NCLN: variants seen among roughly 807,000 people sequenced by gnomAD.
NCLN encodes the protein nicalin.
NCLN carries 34 observed loss-of-function variants against 69.5 expected under a neutral mutation model. The ratio of observed to expected loss-of-function variants is 0.49; its 90% confidence interval spans 0.37 to 0.65. The LOEUF (loss-of-function observed/expected upper bound fraction) is 0.65, where lower values mean the gene tolerates loss of function less well. Ranked by LOEUF, NCLN falls within the 30% of genes least tolerant of loss-of-function variation. The pLI, the probability that NCLN is intolerant of heterozygous loss-of-function variation, is 0.00. For missense variants in NCLN, 710 were observed against 804.8 expected (o/e 0.88, Z 1.42); for synonymous variants, 393 against 358.3 (o/e 1.10, Z -1.09).
In NCLN at chr19:3,201,563, C is replaced by G. The variant is rs1916127218; in HGVS notation, c.737C>G (p.Ser246Cys). 1.3e-6 allele frequency: 2 copies of G among 1,567,642 alleles called. No individual in the cohort carries two copies. The highest frequency in any genetic ancestry group is 1.8e-5 in the Admixed American group (1 of 55,704). ...LGADSNGSGVSVLLELARLFS... is the reference protein window; with the variant it reads ...LGADSNGSGVCVLLELARLFS... ...GCGGACTCCAACGGGAGCGGCGTCTCTGTGCTGCTGGAGCTGGCACGCCTC... is the reference window on the plus strand; with the variant it reads ...GCGGACTCCAACGGGAGCGGCGTCTGTGTGCTGCTGGAGCTGGCACGCCTC... Residue 246 changes from serine (S) to cysteine (C), a missense_variant, in exon 6 of 15, where the codon TCT becomes TGT. By Grantham distance (112) the Ser-to-Cys change is moderately radical (BLOSUM62 -1). Transcript: ENST00000246117.
rs1568315646 is a variant in NCLN, at chr19:3,205,759, GC to G, written c.1209-175del. 1 of 625,696 alleles carries G rather than the reference GC, an allele frequency of 1.6e-6. No homozygotes were observed. The highest frequency in any genetic ancestry group is 2.0e-5 in the South Asian group (1 of 50,438). The allele number at this position is 625,696 out of a possible 1,614,324, so 38.8% of individuals were successfully genotyped here. A position where few individuals can be genotyped will look rare whatever the true frequency, so the allele number is the denominator to read the frequency against. On this transcript the variant is annotated intron_variant, in intron 9 of 14. Transcript: ENST00000246117. This position sits in a 1 kb window ranked among gnomAD's most constrained non-coding sequence, Gnocchi z 4.6. ...AGGGCAAGGGGCCTGGAGGTGTGGG[GC>G]CCCCAGTGAATCTGCATCTACATGT...
At chr19:3,199,012 G>T (rs1916052057) in intron 5 of NCLN, 115 bp downstream of exon 5, 2 of 682,018 alleles carry the variant, frequency 2.9e-6, no homozygotes, top group South Asian at 6.7e-5. Context: ...GGCTCTCCCT[G>T]TGACGGCCTT....
intron 3 of NCLN, among the ~76,000 whole-genome samples, chr19:3,193,829 T>G (rs1411219419): frequency 6.6e-6 from 1 of 152,206 alleles, no homozygotes; most frequent in Admixed American, 6.5e-5. Flanking sequence ...GCGGTGTCCT[T>G]ACGGAGAAGG....
intron 6 of NCLN, among the ~76,000 whole-genome samples, chr19:3,202,462 CTG>C (rs1916151429): frequency 6.6e-6 from 1 of 152,244 alleles, no homozygotes; most frequent in Non-Finnish European, 1.5e-5. Flanking sequence ...CCAGACATGA[CTG>C]TGTCTCCTGT....
At position 3,207,617 on chromosome 19, in the gene NCLN, C is replaced by T; in HGVS notation, c.1633-12C>T. The T allele has an allele frequency of 6.2e-7, 1 of 1,612,768 alleles. No individual in the cohort carries two copies. Among genetic ancestry groups the T allele is most frequent in the Middle Eastern group, 1.6e-4 (1 of 6,062 alleles). ...CCGCCCACATCCTCACTCCCTCCTG[C>T]TGTGTCCCCAGCACTTCAGCCTCCT... is the stretch of plus-strand genomic sequence containing the variant. On this transcript the variant is annotated splice_polypyrimidine_tract_variant and intron_variant, in intron 14 of 14. Transcript: ENST00000246117.
intron 1 of NCLN, among the ~76,000 whole-genome samples, chr19:3,191,179 A>C (rs551562487): frequency 3.4e-4 from 51 of 152,014 alleles, no homozygotes; most frequent in African/African-American, 1.2e-3. Flanking sequence ...GTCCGTGTGC[A>C]GCTCAGGTGT....
intron 6 of NCLN, among the ~76,000 whole-genome samples, chr19:3,203,372 C>T (rs1048026805): frequency 1.3e-5 from 2 of 152,038 alleles, no homozygotes; most frequent in African/African-American, 4.8e-5. Context: ...TTGATCTCCT[C>T]GTGTCTGTTG....
In NCLN at chr19:3,205,993, C is replaced by A; in HGVS notation, c.1263C>A (p.Ala421=). 6.2e-7 allele frequency: 1 copy of A among 1,613,662 alleles called. No homozygotes were observed. The highest frequency in any genetic ancestry group is 1.7e-5 in the Admixed American group (1 of 60,012). ...LTRNTRIIAE[A]LTRVIYNLTE... is the part of the protein sequence containing the mutation. The stretch of plus-strand genomic sequence containing the variant: ...GTAACACGAGGATCATTGCAGAGGC[C>A]CTGACTCGAGTCATCTACAACCTGA... Residue 421 remains alanine, a synonymous_variant, in exon 10 of 15, where the codon GCC becomes GCA. Coordinates refer to ENST00000246117, the MANE Select transcript of NCLN (RefSeq NM_020170.4). The surrounding 1 kb of genome is among the most constrained non-coding windows in gnomAD (Gnocchi z 4.6).
At position 3,196,735 on chromosome 19, in the gene NCLN, G is replaced by A. The variant is rs551765228; in HGVS notation, c.615+458G>A. The stretch of plus-strand genomic sequence containing the variant: ...AGTCAAGAGAGGGTGGGGAGCTGCC[G>A]GTGCGGAAGTAGCCTCTCGGATCAT... On this transcript the variant is annotated intron_variant, in intron 4 of 14. Coordinates refer to ENST00000246117, the MANE Select transcript of NCLN (RefSeq NM_020170.4). Among the ~76,000 whole-genome samples the A allele has an allele frequency of 5.9e-5, 9 of 152,338 alleles. No homozygotes were observed. In the East Asian group the frequency reaches 7.7e-4, roughly 13 times the overall value.
intron 1 of NCLN, among the ~76,000 whole-genome samples, chr19:3,190,291 G>T (rs558456790): frequency 1.3e-5 from 2 of 152,196 alleles, no homozygotes; most frequent in Admixed American, 6.5e-5. Flanking sequence ...GGGTGAGGCT[G>T]CTGGGCCTGG....
intron 8 of NCLN, 115 bp from the exon 9 acceptor site, chr19:3,204,458 T>G: frequency 1.7e-6 from 2 of 1,189,020 alleles, no homozygotes; most frequent in Non-Finnish European, 2.3e-6. Flanking sequence ...GGCAGGTGGA[T>G]TTCTCCTCAT....
intron 12 of NCLN, 137 bp downstream of exon 12, chr19:3,206,562 C>A: frequency 1.7e-6 from 2 of 1,190,666 alleles, no homozygotes; most frequent in Non-Finnish European, 2.3e-6. Context: ...GAGGGCCGGA[C>A]ACGGCGGCTG....
At chr19:3,193,637 G>A (rs937573917) in intron 3 of NCLN, among the ~76,000 whole-genome samples, 8 of 152,226 alleles carry the variant, frequency 5.3e-5, no homozygotes, top group African/African-American at 7.2e-5. Flanking sequence ...TTTTGCAGCC[G>A]CCTGTCCCCC....
Position 3,206,365 on chromosome 19 carries a change from A to C in NCLN, c.1439A>C (p.Glu480Ala). The C allele has an allele frequency of 6.5e-7, 1 of 1,548,284 alleles. No individual in the cohort carries two copies. The highest frequency in any genetic ancestry group is 2.4e-5 in the East Asian group (1 of 40,918). ...DKDSTFLSTL[E>A]HHLSRYLKDV... ...GACAGCACCTTCCTCAGCACGCTGG[A>C]GCACCACCTGAGCCGCTACCTGAAG... Residue 480 changes from glutamate (E) to alanine (A), a missense_variant, in exon 12 of 15, where the codon GAG becomes GCG. Coordinates refer to ENST00000246117, the MANE Select transcript of NCLN (RefSeq NM_020170.4).
chr19:3,192,827 G>GGACGCTGGGT (rs1205356591), intron 2 of NCLN, among the ~76,000 whole-genome samples, 167 bp downstream of exon 2: 1 of 152,176 alleles, frequency 6.6e-6, no homozygotes, highest in Non-Finnish European at 1.5e-5. Flanking sequence ...TGTCTTCAGA[G>GGACGCTGGGT]GACGCTGGGT....
chr19:3,203,875 C>A (rs368565586), intron 7 of NCLN, 31 bp downstream of exon 7: 1 of 1,605,014 alleles, frequency 6.2e-7, no homozygotes. Flanking sequence ...GTGGGGGTGC[C>A]GCGGTGGTGG....
At chr19:3,197,559 G>A (rs543884943) in intron 4 of NCLN, among the ~76,000 whole-genome samples, 7 of 150,918 alleles carry the variant, frequency 4.6e-5, no homozygotes, top group African/African-American at 1.5e-4. Flanking sequence ...GTCTTGCCTC[G>A]GCCTCCCGAG....
In NCLN at chr19:3,206,521, A is replaced by G. The variant is rs561892998; in HGVS notation, c.1499+96A>G. 13 of 1,390,266 alleles carry G rather than the reference A, an allele frequency of 9.4e-6. No individual in the cohort carries two copies. The South Asian group carries it at 1.9e-4, about 20-fold the overall frequency. 86.1% of individuals were successfully genotyped at this position (1,390,266 alleles called of 1,614,324 possible). On this transcript the variant is annotated intron_variant, in intron 12 of 14. Transcript: ENST00000246117. ...CACCCCCTCACCCCTGGGGGATGCC[A>G]GGTGGAGCAAATACAAAGAGAGGGT... is the stretch of plus-strand genomic sequence containing the variant.
At chr19:3,188,864 C>T (rs949056491) in intron 1 of NCLN, among the ~76,000 whole-genome samples, 2 of 152,242 alleles carry the variant, frequency 1.3e-5, no homozygotes, top group African/African-American at 4.8e-5. Context: ...CAGCACACCC[C>T]TCTGTGTCAC....
Sources: allele counts gnomAD v4.1 joint callset (sites outside exome capture counted in the v4.1 genomes callset), GRCh38; gene constraint gnomAD v4.1.1; non-coding constraint Gnocchi (gnomAD v3.1); transcripts MANE v1.5; gene names NCBI Gene and HGNC (gene_info 2026-07-23, HGNC 2026-07-21).